SDK1: variants seen among roughly 807,000 people sequenced by gnomAD.
The protein encoded by SDK1 is sidekick cell adhesion molecule 1, also known as protein sidekick-1.
In SDK1, 157 loss-of-function variants were observed where a neutral mutation model predicts 245.5. That is an observed-to-expected ratio of 0.64 (90% CI 0.56 to 0.73). The LOEUF (loss-of-function observed/expected upper bound fraction) is 0.73. Ranked by LOEUF, SDK1 falls within the 30% of genes least tolerant of loss-of-function variation. The pLI is 0.00. For missense variants in SDK1, 3,583 were observed against 3,002.3 expected (o/e 1.19, Z -4.52); for synonymous variants, 1,647 against 1,278.5 (o/e 1.29, Z -6.15).
chr7:3,442,839 T>C (rs890069631), intron 1 of SDK1, among the ~76,000 whole-genome samples: 2 of 152,228 alleles, frequency 1.3e-5, no homozygotes, highest in African/African-American at 4.8e-5. Context: ...CTTTACTTTC[T>C]GTGAATTACT....
intron 22 of SDK1, among the ~76,000 whole-genome samples, chr7:4,100,040 G>A (rs559698582): frequency 6.6e-6 from 1 of 152,330 alleles, no homozygotes; most frequent in Non-Finnish European, 1.5e-5. Flanking sequence ...ATGCCCCAGA[G>A]ATTTTGGCCG....
intron 5 of SDK1, among the ~76,000 whole-genome samples, chr7:3,899,529 G>A (rs1453400041): frequency 6.6e-6 from 1 of 152,196 alleles, no homozygotes; most frequent in Non-Finnish European, 1.5e-5. Context: ...ATGAGAAAAG[G>A]CTCAGAAAGT....
intron 4 of SDK1, among the ~76,000 whole-genome samples, chr7:3,675,553 A>C (rs1783865741): frequency 8.9e-6 from 1 of 112,218 alleles, no homozygotes; most frequent in South Asian, 3.0e-4. Context: ...TCCTCCCCCT[A>C]CTCCTTTTTG....
chr7:3,307,706 T>C (rs1478631078), intron 1 of SDK1, among the ~76,000 whole-genome samples: 4 of 152,154 alleles, frequency 2.6e-5, no homozygotes, highest in Non-Finnish European at 5.9e-5. Flanking sequence ...AACATGGATA[T>C]AGTAAATGGA....
chr7:4,056,478 G>C (rs533237097), intron 19 of SDK1, among the ~76,000 whole-genome samples: 1 of 152,294 alleles, frequency 6.6e-6, no homozygotes, highest in African/African-American at 2.4e-5. Flanking sequence ...GTGACAGGAA[G>C]CACCTATGGC....
At chr7:4,151,518 A>G (rs1443369770) in intron 30 of SDK1, among the ~76,000 whole-genome samples, 4 of 152,164 alleles carry the variant, frequency 2.6e-5, no homozygotes, top group Non-Finnish European at 4.4e-5. Flanking sequence ...ATGTTAGGAA[A>G]ACGAGGCTGC....
At chr7:3,551,241 G>T (rs937495197) in intron 1 of SDK1, among the ~76,000 whole-genome samples, 7 of 152,158 alleles carry the variant, frequency 4.6e-5, no homozygotes, top group African/African-American at 1.2e-4. Context: ...ATTAATACAG[G>T]TCATATAACA....
chr7:3,502,459 AG>A (rs1477993263), intron 1 of SDK1, among the ~76,000 whole-genome samples: 1 of 152,156 alleles, frequency 6.6e-6, no homozygotes, highest in Non-Finnish European at 1.5e-5. Flanking sequence ...TATGTTGGCC[AG>A]GCTGATCTTG....
At chr7:3,494,942 G>C (rs1002149780) in intron 1 of SDK1, among the ~76,000 whole-genome samples, 5 of 152,158 alleles carry the variant, frequency 3.3e-5, no homozygotes, top group African/African-American at 1.2e-4. Flanking sequence ...TCCCTCTTGA[G>C]TTACAAGCCA....
intron 1 of SDK1, among the ~76,000 whole-genome samples, chr7:3,494,728 C>T (rs563601472): frequency 6.6e-6 from 1 of 152,308 alleles, no homozygotes; most frequent in African/African-American, 2.4e-5. Flanking sequence ...CCAATTTTAA[C>T]ATTGTGTTTG....
intron 1 of SDK1, among the ~76,000 whole-genome samples, chr7:3,388,236 G>A (rs1781658265): frequency 6.6e-6 from 1 of 151,454 alleles, no homozygotes; most frequent in African/African-American, 2.4e-5. Context: ...CTGTGGATGT[G>A]TATATATTTT....
chr7:3,511,338 A>G (rs985530165), intron 1 of SDK1, among the ~76,000 whole-genome samples: 2 of 152,160 alleles, frequency 1.3e-5, no homozygotes, highest in Non-Finnish European at 2.9e-5. Context: ...GAGATTTTGC[A>G]TTTGATTTCA....
chr7:3,340,342 T>C (rs1007147623), intron 1 of SDK1, among the ~76,000 whole-genome samples: 1 of 152,136 alleles, frequency 6.6e-6, no homozygotes, highest in African/African-American at 2.4e-5. Context: ...TGTCTAAAAA[T>C]ACACACAGTA....
chr7:3,327,676 A>G (rs747929084), intron 1 of SDK1, among the ~76,000 whole-genome samples: 1 of 152,174 alleles, frequency 6.6e-6, no homozygotes, highest in African/African-American at 2.4e-5. Context: ...TCCTGACAGC[A>G]GAATGTTTCC....
chr7:3,613,459 C>A (rs1443270066), intron 1 of SDK1, among the ~76,000 whole-genome samples: 1 of 152,272 alleles, frequency 6.6e-6, no homozygotes, highest in South Asian at 2.1e-4. Context: ...ACCTCTCCAG[C>A]ACCTCTTATT....
chr7:3,438,915 C>T (rs546196858), intron 1 of SDK1, among the ~76,000 whole-genome samples: 171 of 142,158 alleles, frequency 1.2e-3, no homozygotes, highest in African/African-American at 4.1e-3. Flanking sequence ...TGCAGTGGTG[C>T]GATCTTGGCT....
chr7:4,124,505 G>A (rs1784258210), intron 25 of SDK1, among the ~76,000 whole-genome samples: 1 of 152,098 alleles, frequency 6.6e-6, no homozygotes, highest in African/African-American at 2.4e-5. Context: ...ATGGGCACTA[G>A]TCATACTGGA....
At chr7:3,870,799 T>C (rs558031280) in intron 5 of SDK1, among the ~76,000 whole-genome samples, 3 of 152,358 alleles carry the variant, frequency 2.0e-5, no homozygotes, top group East Asian at 3.9e-4. Flanking sequence ...GTTTTTTGTC[T>C]GTTGCAGTAT....
In SDK1 at chr7:3,974,504, T is replaced by C. The variant is rs775761231; in HGVS notation, c.1953T>C (p.Ser651=). The change falls in exon 13 of 45, where the codon TCT becomes TCC. Residue 651 remains serine, a synonymous_variant. Coordinates refer to ENST00000404826, the MANE Select transcript of SDK1 (RefSeq NM_152744.4). ...GTGACTACAGCTGCGAGATTGTTTCTGAAGGAGGGAATGACTCCAGGATGG... is the reference window on the plus strand; with the variant it reads ...GTGACTACAGCTGCGAGATTGTTTCCGAAGGAGGGAATGACTCCAGGATGG... ...DIGDYSCEIV[S]EGGNDSRMAR... The C allele has an allele frequency of 6.2e-7, 1 of 1,614,138 alleles. No individual in the cohort carries two copies. Among genetic ancestry groups the C allele is most frequent in the Non-Finnish European group, 8.5e-7 (1 of 1,180,014 alleles).
Sources: gnomAD v4.1 joint callset for allele counts (sites outside exome capture counted in the v4.1 genomes callset) on GRCh38, gnomAD v4.1.1 for gene constraint, MANE v1.5 for transcripts, NCBI Gene and HGNC (gene_info 2026-07-23, HGNC 2026-07-21) for gene names.